Variants in PKD2 observed in about 807,000 individuals in gnomAD.
PKD2 encodes polycystin-2.
Under a neutral mutation model 105.9 loss-of-function variants are expected in PKD2, and 48 were observed. The ratio of observed to expected loss-of-function variants is 0.45; its 90% CI spans 0.36 to 0.58. PKD2 has a LOEUF of 0.58. PKD2 is among the 20% of genes least tolerant of loss of function. The pLI is 0.00. For synonymous variants in PKD2, 464 were observed against 481.1 expected (o/e 0.96, Z 0.46); for missense variants, 1,078 against 1,255.3 (o/e 0.86, Z 2.13).
intron 1 of PKD2, among the ~76,000 whole-genome samples, chr4:88,010,335 T>C (rs1445324205): frequency 6.6e-6 from 1 of 152,244 alleles, no homozygotes; most frequent in East Asian, 1.9e-4. Flanking sequence ...ATTGATATTC[T>C]TGTCACTTAT....
chr4:88,075,188 T>A (rs1396061888), intron 14 of PKD2, among the ~76,000 whole-genome samples: 1 of 152,242 alleles, frequency 6.6e-6, no homozygotes, highest in African/African-American at 2.4e-5. Flanking sequence ...AGTCATATTG[T>A]CTAACCCTTA....
At chr4:88,040,808 C>T (rs1266257657) in intron 4 of PKD2, among the ~76,000 whole-genome samples, 4 of 152,184 alleles carry the variant, frequency 2.6e-5, no homozygotes, top group Non-Finnish European at 4.4e-5. Context: ...TTCTCTTATT[C>T]CCAGGTTCTA....
chr4:88,014,752 T>G (rs1463324876), intron 1 of PKD2, among the ~76,000 whole-genome samples: 2 of 152,210 alleles, frequency 1.3e-5, no homozygotes, highest in African/African-American at 2.4e-5. Flanking sequence ...TTCAGATGGA[T>G]TTGAGTCTTT....
In PKD2 at chr4:88,007,713, C is replaced by A. The variant is rs1273266019; in HGVS notation, c.-21C>A. The A allele has an allele frequency of 8.4e-7, 1 of 1,185,724 alleles. No individual in the cohort carries two copies. Among genetic ancestry groups the A allele is most frequent in the South Asian group, 2.3e-5 (1 of 42,600 alleles). 73.5% of individuals were successfully genotyped at this position (1,185,724 alleles called of 1,614,324 possible). A position where few individuals can be genotyped will look rare whatever the true frequency, so the allele number is the denominator to read the frequency against. On this transcript the variant is annotated 5_prime_UTR_variant, in exon 1 of 15. Coordinates refer to ENST00000237596, the MANE Select transcript of PKD2 (RefSeq NM_000297.4). ...CCGAGCGCGGCGCCGCGCACCCGCG[C>A]GCCGGACGCCAGTGACCGCGATGGT...
At chr4:88,037,706 A>G (rs530119406) in intron 3 of PKD2, among the ~76,000 whole-genome samples, 1 of 152,350 alleles carries the variant, frequency 6.6e-6, no homozygotes, top group South Asian at 2.1e-4. Flanking sequence ...AGCTAGTTGT[A>G]CAAACTAACA....
chr4:88,024,537 A>C (rs954354416), intron 2 of PKD2, among the ~76,000 whole-genome samples: 1 of 151,184 alleles, frequency 6.6e-6, no homozygotes, highest in Non-Finnish European at 1.5e-5. Flanking sequence ...CAAGGAAGGT[A>C]TTTGGTGAAT....
At position 88,009,550 on chromosome 4, in the gene PKD2, A is replaced by G. The variant is rs568416072; in HGVS notation, c.595+1222A>G. On this transcript the variant is annotated intron_variant, in intron 1 of 14. Coordinates refer to ENST00000237596, the MANE Select transcript of PKD2 (RefSeq NM_000297.4). ...TAGGACTTGACTCTTTGGGAGAATTAAGTGAGTTAAGACATAAAATGTGCA... is the reference window on the plus strand; with the variant it reads ...TAGGACTTGACTCTTTGGGAGAATTGAGTGAGTTAAGACATAAAATGTGCA... 2.0e-5 allele frequency among the ~76,000 whole-genome samples: 3 copies of G among 152,242 alleles called. No homozygotes were observed. In the South Asian group the frequency reaches 6.2e-4, roughly 32 times the overall value.
intron 10 of PKD2, among the ~76,000 whole-genome samples, chr4:88,062,271 T>G (rs1297631342): frequency 6.6e-6 from 1 of 152,256 alleles, no homozygotes; most frequent in Non-Finnish European, 1.5e-5. Context: ...AGCTGAAGGT[T>G]CATCACCTTC....
In PKD2 at chr4:88,074,903, C is replaced by G. The variant is rs755226061; in HGVS notation, c.2614C>G (p.Arg872Gly). The G allele has an allele frequency of 2.6e-5, 42 of 1,613,922 alleles. No individual in the cohort carries two copies. The highest frequency in any genetic ancestry group is 3.4e-5 in the Non-Finnish European group (40 of 1,179,988). Residue 872 changes from arginine (R) to glycine (G), a missense_variant, in exon 14 of 15, where the codon CGA (arginine) becomes GGA (glycine). By Grantham distance (125) the Arg-to-Gly change is moderately radical (BLOSUM62 -2). Coordinates refer to ENST00000237596, the MANE Select transcript of PKD2 (RefSeq NM_000297.4). ...AVIVKLEIME[R>G]AKLKRREVLG... ...GATCGTGAAGCTAGAGATTATGGAG[C>G]GAGCCAAACTGAAGAGGAGGGAGGT... is the stretch of plus-strand genomic sequence containing the variant.
rs142360839 is a variant in PKD2 at position 88,065,862 on chromosome 4, G to A, written c.2341G>A (p.Asp781Asn). ...TEHEHQQMRD[D>N]LEKEREDLDL... ...ACATGAACATCAGCAGATGAGAGAC[G>A]ACTTGGAGAAAGAGAGGGTGGGTCT... Residue 781 changes from aspartate to asparagine, a missense_variant, in exon 12 of 15, where the codon GAC becomes AAC. Asp to Asn is a conservative substitution (Grantham distance 23). Coordinates refer to ENST00000237596, the MANE Select transcript of PKD2 (RefSeq NM_000297.4). 40 of 1,607,618 alleles carry A rather than the reference G, an allele frequency of 2.5e-5. No individual in the cohort carries two copies. In the East Asian group the frequency reaches 7.6e-4, roughly 30 times the overall value.
At chr4:88,054,616 C>T (rs544107411) in intron 7 of PKD2, among the ~76,000 whole-genome samples, 2 of 145,054 alleles carry the variant, frequency 1.4e-5, no homozygotes, top group African/African-American at 5.2e-5. Flanking sequence ...GATACTTTAT[C>T]ATTAAGGTCT....
In PKD2 at chr4:88,076,091, A is replaced by G. The variant is rs1721225110; in HGVS notation, c.*397A>G. On this transcript the variant is annotated 3_prime_UTR_variant, in exon 15 of 15. Transcript: ENST00000237596. ...ATTGTTATTTTTTTCCAAGAGTGTG[A>G]AGGAAAATGGGGCATTCCTTTCCAC... 4.5e-6 allele frequency: 1 copy of G among 223,514 alleles called. No homozygotes were observed. Among genetic ancestry groups the G allele is most frequent in the Admixed American group, 5.2e-5 (1 of 19,080 alleles). 13.8% of individuals were successfully genotyped at this position (223,514 alleles called of 1,614,324 possible).
At chr4:88,061,777 T>G (rs2110133711) in intron 9 of PKD2, 129 bp from the exon 10 acceptor site, 2 of 401,958 alleles carry the variant, frequency 5.0e-6, no homozygotes, top group Non-Finnish European at 4.5e-6. Context: ...AATAATAAAT[T>G]TATGTCTTCA....
rs930075115 is a variant in PKD2, at chr4:88,052,078, C to T, written c.1636C>T (p.Pro546Ser). The change falls in exon 7 of 15, where the codon CCC (proline) becomes TCC (serine). Residue 546 changes from proline to serine, a missense_variant. Around this residue, in one of 2 missense-constraint regions of PKD2, gnomAD observed 868 missense variants for 1,067.3 expected, o/e 0.81. Coordinates refer to ENST00000237596, the MANE Select transcript of PKD2 (RefSeq NM_000297.4). ...LQFLEDQNTF[P>S]NFEHLAYWQI... ...GTTTCTGGAAGATCAAAATACTTTC[C>T]CCAACTTTGAGCATCTGGCATATTG... 5.6e-6 allele frequency: 9 copies of T among 1,604,810 alleles called. No individual in the cohort carries two copies. Among genetic ancestry groups the T allele is most frequent in the Non-Finnish European group, 7.7e-6 (9 of 1,171,756 alleles).
At chr4:88,026,547 G>A (rs1726963873) in intron 2 of PKD2, among the ~76,000 whole-genome samples, 1 of 152,230 alleles carries the variant, frequency 6.6e-6, no homozygotes, top group Non-Finnish European at 1.5e-5. Flanking sequence ...TAGGGAGTTT[G>A]CAGCCTGACC....
chr4:88,065,444 G>C lies in PKD2; in HGVS notation c.2189G>C (p.Arg730Pro). The C allele has an allele frequency of 6.2e-7, 1 of 1,613,230 alleles. No homozygotes were observed. The highest frequency in any genetic ancestry group is 8.5e-7 in the Non-Finnish European group (1 of 1,179,256). ...NTVDDISESL[R>P]QGGGKLNFDE... ...GTGGATGACATTTCAGAGAGTCTGC[G>C]GCAAGGAGGAGGCAAGTTAAACTTT... The change falls in exon 11 of 15, where the codon CGG becomes CCG. Residue 730 changes from arginine to proline, a missense_variant. Physicochemically the swap from Arg to Pro is moderately radical, Grantham distance 103 (BLOSUM62 -2). Coordinates refer to ENST00000237596, the MANE Select transcript of PKD2 (RefSeq NM_000297.4).
chr4:88,046,523 G>A (rs545915787), intron 5 of PKD2, 119 bp from the exon 6 acceptor site: 7 of 735,098 alleles, frequency 9.5e-6, no homozygotes, highest in Admixed American at 9.4e-5. Context: ...AGTTTGGGGG[G>A]ACTCATGGTA....
intron 4 of PKD2, among the ~76,000 whole-genome samples, chr4:88,040,146 A>T (rs190064296): frequency 6.6e-6 from 1 of 152,202 alleles, no homozygotes. Context: ...ACTGAGGCTC[A>T]CTTGCCCAAA....
At chr4:88,059,132 T>C (rs1351366486) in intron 9 of PKD2, among the ~76,000 whole-genome samples, 1 of 152,168 alleles carries the variant, frequency 6.6e-6, no homozygotes, top group Non-Finnish European at 1.5e-5. Flanking sequence ...ATTAATTTCC[T>C]GTTTAAAAAA....
Sources: allele counts gnomAD v4.1 joint callset (sites outside exome capture counted in the v4.1 genomes callset), GRCh38; gene constraint gnomAD v4.1.1; regional missense constraint gnomAD v4.1.1; transcripts MANE v1.5; gene names NCBI Gene and HGNC (gene_info 2026-07-23, HGNC 2026-07-21).